The following GGCX variants were observed in gnomAD, a reference collection of about 807,000 sequenced individuals.
GGCX encodes vitamin K-dependent gamma-carboxylase.
A neutral mutation model predicts 88.5 loss-of-function variants in GGCX; 63 were observed. The ratio of observed to expected loss-of-function variants is 0.71; its 90% confidence interval spans 0.58 to 0.88. GGCX has a LOEUF of 0.88. Among genes scored for constraint, GGCX ranks in the 40% least tolerant of loss-of-function variants. The pLI, the probability that GGCX is intolerant of heterozygous loss-of-function variation, is 0.00. For synonymous variants in GGCX, 368 were observed against 365.8 expected (o/e 1.01, Z -0.07); for missense variants, 805 against 932.9 (o/e 0.86, Z 1.79).
chr2:85,555,372 A>C (rs760033495), intron 6 of GGCX, 112 bp downstream of exon 6: 8 of 702,598 alleles, frequency 1.1e-5, no homozygotes, highest in Non-Finnish European at 2.1e-5. Context: ...TGGACAAAGG[A>C]AGGCATGTGG....
Position 85,553,414 on chromosome 2 carries a change from G to C in GGCX, c.973C>G (p.Arg325Gly), listed in dbSNP as rs1271782787. The C allele has an allele frequency of 3.7e-6, 6 of 1,613,884 alleles. No individual in the cohort carries two copies. The highest frequency in any genetic ancestry group is 1.3e-5 in the African/African-American group (1 of 74,940). The change falls in exon 8 of 15, where the codon CGA becomes GGA. Residue 325 changes from arginine to glycine, a missense_variant. By Grantham distance (125) the Arg-to-Gly change is moderately radical. Coordinates refer to ENST00000233838, the MANE Select transcript of GGCX (RefSeq NM_000821.7). Reference protein sequence around the residue: ...WPRKLVSYCPRRLQQLLPLKA... With the variant: ...WPRKLVSYCPGRLQQLLPLKA... Reference sequence around the variant, plus strand: ...AGGGGCAACAGTTGTTGCAACCTTCGGGGGCAGTAGGACACCAGCTTCCGA... The same window carrying C: ...AGGGGCAACAGTTGTTGCAACCTTCCGGGGCAGTAGGACACCAGCTTCCGA...
rs1691831109 is a variant in GGCX, at chr2:85,549,615, C to A, written c.*319G>T. The A allele has an allele frequency of 2.9e-6, 1 of 349,248 alleles. No individual in the cohort carries two copies. The highest frequency in any genetic ancestry group is 5.5e-6 in the Non-Finnish European group (1 of 182,442). 21.6% of individuals were successfully genotyped at this position (349,248 alleles called of 1,614,324 possible). A position where few individuals can be genotyped will look rare whatever the true frequency, so the allele number is the denominator to read the frequency against. On this transcript the variant is annotated 3_prime_UTR_variant, in exon 15 of 15. Coordinates refer to ENST00000233838, the MANE Select transcript of GGCX (RefSeq NM_000821.7). ...GCCTCAAGTGATCTGCCCACCTCAG[C>A]CTCCCAAAATGCTGGGATTACAGGC... is the stretch of plus-strand genomic sequence containing the variant.
chr2:85,552,278 C>T, intron 10 of GGCX, 138 bp downstream of exon 10: 1 of 900,822 alleles, frequency 1.1e-6, no homozygotes, highest in Non-Finnish European at 1.8e-6. Flanking sequence ...CCAGCTATGC[C>T]CACAACCAGA....
rs1370059887 is a variant in GGCX at position 85,551,996 on chromosome 2, C to A, written c.1440-15G>T. Reference sequence around the variant, plus strand: ...GGTCAAAAATCCTTAGGAAAGAAAACCATGTTCTAAGGACATCACAGCCAC... The same window carrying A: ...GGTCAAAAATCCTTAGGAAAGAAAAACATGTTCTAAGGACATCACAGCCAC... On this transcript the variant is annotated splice_polypyrimidine_tract_variant and intron_variant, in intron 10 of 14. Transcript: ENST00000233838. 10 of 1,609,218 alleles carry A rather than the reference C, an allele frequency of 6.2e-6. No homozygotes were observed. The highest frequency in any genetic ancestry group is 1.7e-5 in the Admixed American group (1 of 60,012).
chr2:85,555,681 C>G, intron 5 of GGCX, 91 bp from the exon 6 acceptor site: 1 of 764,318 alleles, frequency 1.3e-6, no homozygotes, highest in Non-Finnish European at 2.3e-6. Context: ...GTTAGGACAA[C>G]TTGAATCCAT....
rs1309849861 is a variant in GGCX, at chr2:85,559,030, G to C, written c.260C>G (p.Ser87Cys). ...CCCATCAAGGTATTTCCGGTCCAGA[G>C]AGCTGAGCCCCCGCTCCTGGGGAAT... is the stretch of plus-strand genomic sequence containing the variant. ...LDIPQERGLS[S>C]LDRKYLDGLD... Residue 87 changes from serine to cysteine, a missense_variant, in exon 3 of 15, where the codon TCT becomes TGT. Around this residue, in one of 3 missense-constraint regions of GGCX, gnomAD observed 61 missense variants for 111.9 expected, o/e 0.54. Transcript: ENST00000233838. The C allele has an allele frequency of 6.2e-7, 1 of 1,613,946 alleles. No individual in the cohort carries two copies. Among genetic ancestry groups the C allele is most frequent in the Non-Finnish European group, 8.5e-7 (1 of 1,179,916 alleles).
intron 1 of GGCX, 100 bp downstream of exon 1, chr2:85,561,286 C>T (rs1162575691): frequency 1.2e-5 from 8 of 662,610 alleles, no homozygotes; most frequent in Admixed American, 2.7e-5. Flanking sequence ...AGGACCCCCC[C>T]CCCGCCTCAC....
chr2:85,551,563 T>C lies in GGCX; in HGVS notation c.1657A>G (p.Ile553Val). The C allele has an allele frequency of 6.2e-7, 1 of 1,613,968 alleles. No homozygotes were observed. Among genetic ancestry groups the C allele is most frequent in the Admixed American group, 1.7e-5 (1 of 60,030 alleles). The change falls in exon 12 of 15, where the codon ATC (isoleucine) becomes GTC (valine). Residue 553 changes from isoleucine (I) to valine (V), a missense_variant. Ile to Val is a conservative substitution (Grantham distance 29, BLOSUM62 3). This residue lies in a region of GGCX where 680 missense variants were observed against 763.7 expected (regional missense o/e 0.89). Coordinates refer to ENST00000233838, the MANE Select transcript of GGCX (RefSeq NM_000821.7). ...GTCACTTCCCCCTGCAGCAGCTGGA[T>C]GCTAGTGTTGCCCAGGTCTTCACTC... is the stretch of plus-strand genomic sequence containing the variant. Reference protein sequence around the residue: ...FVSEDLGNTSIQLLQGEVTVE... With the variant: ...FVSEDLGNTSVQLLQGEVTVE...
At chr2:85,552,602 AT>A (rs781027599) in intron 9 of GGCX, 35 bp from the exon 10 acceptor site, 1 of 1,598,878 alleles carries the variant, frequency 6.3e-7, no homozygotes, top group Admixed American at 1.7e-5. Flanking sequence ...CCACCTCATC[AT>A]TATCAACTTC....
At chr2:85,552,007 G>A in intron 10 of GGCX, 26 bp from the exon 11 acceptor site, 1 of 1,581,036 alleles carries the variant, frequency 6.3e-7, no homozygotes, top group East Asian at 2.2e-5. Flanking sequence ...CATGTTCTAA[G>A]GACATCACAG....
At position 85,554,452 on chromosome 2, in the gene GGCX, T is replaced by TG. The variant is rs1348008601; in HGVS notation, c.726-147dup. The TG allele has an allele frequency of 3.9e-5, 28 of 708,890 alleles. No individual in the cohort carries two copies. In the Middle Eastern group the frequency reaches 1.5e-3, roughly 38 times the overall value. 43.9% of individuals were successfully genotyped at this position (708,890 alleles called of 1,614,324 possible). A position where few individuals can be genotyped will look rare whatever the true frequency, so the allele number is the denominator to read the frequency against. ...CACCCATGAAGACACTCCTCTAGGT[T>TG]GTTTGTTGTTGTTGTTGTTGTTGTT... On this transcript the variant is annotated intron_variant, in intron 6 of 14. Transcript: ENST00000233838.
chr2:85,556,250 C>T lies in GGCX; in HGVS notation c.550G>A (p.Gly184Ser), dbSNP rs769805728. ...TTCCTCCTATGGGCATTCAGCAGAC[C>T]GTCCACAGACCTACACCGAGGGAGG... ...MDANHYWSVD[G>S]LLNAHRRNAH... The change falls in exon 5 of 15, where the codon GGT becomes AGT. Residue 184 changes from glycine to serine, a missense_variant. By Grantham distance (56) the Gly-to-Ser change is moderately conservative. This residue lies in a region of GGCX where 680 missense variants were observed against 763.7 expected (regional missense o/e 0.89). Coordinates refer to ENST00000233838, the MANE Select transcript of GGCX (RefSeq NM_000821.7). The T allele has an allele frequency of 1.4e-5, 22 of 1,606,474 alleles. No homozygotes were observed. In the African/African-American group the frequency reaches 1.6e-4, roughly 12 times the overall value.
In GGCX at chr2:85,553,603, GTTC is replaced by G. The variant is rs377101689; in HGVS notation, c.890-109_890-107del. On this transcript the variant is annotated intron_variant, in intron 7 of 14. Transcript: ENST00000233838. ...AGGTGTTCCACTGAAAAGGAAAGTA[GTTC>G]TTCTTTTTTTTTTGAGACAGTCTTT... 1,535 of 1,131,998 alleles carry G rather than the reference GTTC, an allele frequency of 1.4e-3. 18 individuals are homozygous for G. The African/African-American group carries it at 0.018, about 13-fold the overall frequency. The allele number at this position is 1,131,998 out of a possible 1,614,324, so 70.1% of individuals were successfully genotyped here. A position where few individuals can be genotyped will look rare whatever the true frequency, so the allele number is the denominator to read the frequency against.
chr2:85,558,484 C>T lies in GGCX; in HGVS notation c.495G>A (p.Gly165=). The change falls in exon 4 of 15, where the codon GGG becomes GGA. Residue 165 remains glycine, a synonymous_variant. Coordinates refer to ENST00000233838, the MANE Select transcript of GGCX (RefSeq NM_000821.7). ...TSWNNHSYLY[G]LLAFQLTFMD... is the part of the protein sequence containing the mutation. ...TGAATGTTAGCTGAAAGGCCAACAA[C>T]CCATACAGATAGGAGTGGTTGTTCC... is the stretch of plus-strand genomic sequence containing the variant. 1 of 1,613,926 alleles carries T rather than the reference C, an allele frequency of 6.2e-7. No homozygotes were observed. The highest frequency in any genetic ancestry group is 8.5e-7 in the Non-Finnish European group (1 of 1,179,800).
At chr2:85,558,392 C>T in intron 4 of GGCX, 48 bp downstream of exon 4, 2 of 1,504,418 alleles carry the variant, frequency 1.3e-6, no homozygotes, top group Non-Finnish European at 9.3e-7. Context: ...TCTCTGATAA[C>T]CATCCTGACC....
At position 85,545,043 on chromosome 2, in the gene GGCX, G is replaced by A. The variant is rs1691589621; in HGVS notation, c.*4891C>T. On this transcript the variant is annotated 3_prime_UTR_variant, in exon 15 of 15. Coordinates refer to ENST00000233838, the MANE Select transcript of GGCX (RefSeq NM_000821.7). Reference sequence around the variant, plus strand: ...GAAAAACCTTGGGTTAGACCTACAGGGGGTCTGGCTGGTGTTAACAGAAGG... The same window carrying A: ...GAAAAACCTTGGGTTAGACCTACAGAGGGTCTGGCTGGTGTTAACAGAAGG... 1 of 152,470 alleles carries A rather than the reference G, an allele frequency of 6.6e-6. No homozygotes were observed. The highest frequency in any genetic ancestry group is 6.6e-5 in the Admixed American group (1 of 15,252). The allele number at this position is 152,470 out of a possible 1,614,324, so 9.4% of individuals were successfully genotyped here.
rs769706130 is a variant in GGCX, at chr2:85,553,213, C to A, written c.1155+19G>T. 1 of 1,613,658 alleles carries A rather than the reference C, an allele frequency of 6.2e-7. No homozygotes were observed. Among genetic ancestry groups the A allele is most frequent in the Admixed American group, 1.7e-5 (1 of 60,030 alleles). On this transcript the variant is annotated intron_variant, in intron 8 of 14. Transcript: ENST00000233838. ...TTCTAAGTCCAGCCTTTGCTGTACA[C>A]TCCACAGCCCCTACAAACCTGGGTG...
chr2:85,560,227 T>A (rs1692371565), intron 2 of GGCX, among the ~76,000 whole-genome samples: 1 of 152,160 alleles, frequency 6.6e-6, no homozygotes, highest in African/African-American at 2.4e-5. Flanking sequence ...TCTGTTTCTC[T>A]GAGTCTTCTG....
chr2:85,547,676 A>C lies in GGCX; in HGVS notation c.*2258T>G, dbSNP rs1005798802. The C allele has an allele frequency of 1.3e-5, 2 of 150,590 alleles. No individual in the cohort carries two copies. The highest frequency in any genetic ancestry group is 4.9e-5 in the African/African-American group (2 of 40,546). The allele number at this position is 150,590 out of a possible 1,614,324, so 9.3% of individuals were successfully genotyped here. A position where few individuals can be genotyped will look rare whatever the true frequency, so the allele number is the denominator to read the frequency against. The stretch of plus-strand genomic sequence containing the variant: ...ATCTGCAAAAGGATTGAAAATCAGC[A>C]TCCCTCCCACCCATTCTTACAAAGT... On this transcript the variant is annotated 3_prime_UTR_variant, in exon 15 of 15. Coordinates refer to ENST00000233838, the MANE Select transcript of GGCX (RefSeq NM_000821.7).
Sources: allele counts gnomAD v4.1 joint callset (sites outside exome capture counted in the v4.1 genomes callset), GRCh38; gene constraint gnomAD v4.1.1; regional missense constraint gnomAD v4.1.1; transcripts MANE v1.5; gene names NCBI Gene and HGNC (gene_info 2026-07-23, HGNC 2026-07-21).